SMC6: variants seen among roughly 807,000 people sequenced by gnomAD.
The protein encoded by SMC6 is structural maintenance of chromosomes 6.
In SMC6, 79 loss-of-function variants were observed where a neutral mutation model predicts 142.2. The ratio of observed to expected loss-of-function variants is 0.56; its 90% CI spans 0.46 to 0.67. SMC6 has a LOEUF of 0.67. Among genes scored for constraint, SMC6 ranks in the 30% least tolerant of loss-of-function variants. The pLI is 0.00. For synonymous variants in SMC6, 411 were observed against 412.4 expected, an observed-to-expected ratio of 1.00 and a Z score of 0.04; for missense variants, 1,072 against 1,284.0, an observed-to-expected ratio of 0.83 and a Z score of 2.52.
intron 23 of SMC6, among the ~76,000 whole-genome samples, chr2:17,689,623 TG>T (rs1667611500): frequency 1.3e-5 from 2 of 152,236 alleles, no homozygotes. Flanking sequence ...TTATGATTTT[TG>T]ATAGAGCTGT....
In SMC6 at chr2:17,664,538, A is replaced by G. The variant is rs1394707943; in HGVS notation, c.*961T>C. The G allele has an allele frequency of 6.6e-6, 1 of 152,242 alleles. No homozygotes were observed. Among genetic ancestry groups the G allele is most frequent in the Non-Finnish European group, 1.5e-5 (1 of 68,048 alleles). 9.4% of individuals were successfully genotyped at this position (152,242 alleles called of 1,614,324 possible). ...TAGCATGAATCCTAGTATCAAACAAATAATACAGGGAGCAATAAAATTCAT... is the reference window on the plus strand; with the variant it reads ...TAGCATGAATCCTAGTATCAAACAAGTAATACAGGGAGCAATAAAATTCAT... On this transcript the variant is annotated 3_prime_UTR_variant, in exon 28 of 28. Transcript: ENST00000448223.
chr2:17,682,591 C>A (rs2124847243), intron 24 of SMC6, among the ~76,000 whole-genome samples: 1 of 152,202 alleles, frequency 6.6e-6, no homozygotes, highest in South Asian at 2.1e-4. Flanking sequence ...AGAAGTAATT[C>A]CGACAGCTCA....
Position 17,716,221 on chromosome 2 carries a change from T to C in SMC6, c.1390A>G (p.Arg464Gly), listed in dbSNP as rs35195207. ...DVKHALSYNQ[R>G]QLKELKDSKT... ...CTATCTTTCAATTCTTTCAGTTGCC[T>C]CTGATTGTAGCTCAGTGCATGCTTC... The change falls in exon 15 of 28, where the codon AGG becomes GGG. Residue 464 changes from arginine (R) to glycine (G), a missense_variant. Around this residue, in one of 3 missense-constraint regions of SMC6, gnomAD observed 994 missense variants for 1,153.2 expected, o/e 0.86. Transcript: ENST00000448223. 371,441 of 1,610,850 alleles carry C rather than the reference T, an allele frequency of 0.23. 46,851 individuals carry two copies. The highest frequency in any genetic ancestry group is 0.27 in the Middle Eastern group (1,617 of 6,050).
chr2:17,716,795 A>T lies in SMC6; in HGVS notation c.1292T>A (p.Ile431Asn). 1 of 1,613,512 alleles carries T rather than the reference A, an allele frequency of 6.2e-7. No homozygotes were observed. Among genetic ancestry groups the T allele is most frequent in the Non-Finnish European group, 8.5e-7 (1 of 1,179,768 alleles). Residue 431 changes from isoleucine (I) to asparagine (N), a missense_variant, in exon 14 of 28, where the codon ATC becomes AAC. Physicochemically the swap from Ile to Asn is moderately radical, Grantham distance 149. Transcript: ENST00000448223. ...TTCTATGGCTTGCTGAAACTGTTCG[A>T]TCTCTTGATTGACTGAATTTTCTTG... is the stretch of plus-strand genomic sequence containing the variant. ...QNQENSVNQE[I>N]EQFQQAIEKD... is the part of the protein sequence containing the mutation.
At chr2:17,671,815 G>C (rs929033344) in intron 25 of SMC6, among the ~76,000 whole-genome samples, 1 of 151,712 alleles carries the variant, frequency 6.6e-6, no homozygotes, top group African/African-American at 2.4e-5. Flanking sequence ...AATTTCCTGA[G>C]AATATACAAT....
chr2:17,675,642 A>T (rs1174027085), intron 25 of SMC6, among the ~76,000 whole-genome samples: 1 of 152,114 alleles, frequency 6.6e-6, no homozygotes, highest in African/African-American at 2.4e-5. Context: ...ATCAGTTTTT[A>T]AAACCAATTC....
intron 3 of SMC6, among the ~76,000 whole-genome samples, chr2:17,742,202 T>G (rs1670505946): frequency 6.6e-6 from 1 of 152,188 alleles, no homozygotes; most frequent in African/African-American, 2.4e-5. Context: ...ATAGTAAAAC[T>G]TCCTATATAC....
chr2:17,702,354 AT>A (rs942097156), intron 19 of SMC6, among the ~76,000 whole-genome samples: 2 of 152,100 alleles, frequency 1.3e-5, no homozygotes, highest in Non-Finnish European at 2.9e-5. Flanking sequence ...TTTTATTAGC[AT>A]TTTCTCATGA....
At chr2:17,718,767 A>G (rs1382202222) in intron 11 of SMC6, among the ~76,000 whole-genome samples, 1 of 152,190 alleles carries the variant, frequency 6.6e-6, no homozygotes, top group Non-Finnish European at 1.5e-5. Flanking sequence ...CTAGAGCTTA[A>G]ATTGAAAGGA....
chr2:17,694,734 A>AGTTTT (rs374601592), intron 23 of SMC6, among the ~76,000 whole-genome samples: 21,085 of 152,228 alleles, frequency 0.14, 1,734 homozygotes, highest in African/African-American at 0.24. Context: ...TCTAATTATC[A>AGTTTT]AGAGCATCTG....
intron 26 of SMC6, among the ~76,000 whole-genome samples, chr2:17,669,729 G>A (rs1170742086): frequency 6.6e-6 from 1 of 152,174 alleles, no homozygotes; most frequent in Non-Finnish European, 1.5e-5. Flanking sequence ...CCAGATTACA[G>A]TAGATTGAGC....
At chr2:17,744,962 T>A (rs1670664939) in intron 3 of SMC6, among the ~76,000 whole-genome samples, 1 of 152,226 alleles carries the variant, frequency 6.6e-6, no homozygotes, top group Non-Finnish European at 1.5e-5. Context: ...TTACATATAG[T>A]TGGCTTTTCC....
intron 23 of SMC6, among the ~76,000 whole-genome samples, chr2:17,690,621 C>CA (rs200976718): frequency 3.3e-4 from 49 of 148,596 alleles, no homozygotes; most frequent in South Asian, 8.5e-4. Flanking sequence ...ACCAAAAAAA[C>CA]AAAAAAAAAC....
intron 11 of SMC6, among the ~76,000 whole-genome samples, chr2:17,719,384 T>C (rs1669259030): frequency 6.6e-6 from 1 of 152,040 alleles, no homozygotes; most frequent in Non-Finnish European, 1.5e-5. Context: ...GTGAAAGGCT[T>C]TATGTAAGAC....
At position 17,665,444 on chromosome 2, in the gene SMC6, T is replaced by A; in HGVS notation, c.*55A>T. On this transcript the variant is annotated 3_prime_UTR_variant, in exon 28 of 28. Coordinates refer to ENST00000448223, the MANE Select transcript of SMC6 (RefSeq NM_001142286.2). ...TTTATTATATCAAAGAGTCCAGAAT[T>A]TTTTTTCCCTTCACAAATCCTTCAA... 3 of 1,243,782 alleles carry A rather than the reference T, an allele frequency of 2.4e-6. No individual in the cohort carries two copies. Among genetic ancestry groups the A allele is most frequent in the Non-Finnish European group, 3.4e-6 (3 of 887,444 alleles). The allele number at this position is 1,243,782 out of a possible 1,614,324, so 77.0% of individuals were successfully genotyped here.
chr2:17,692,454 C>G (rs957965091), intron 23 of SMC6, among the ~76,000 whole-genome samples: 4 of 152,038 alleles, frequency 2.6e-5, no homozygotes, highest in Non-Finnish European at 4.4e-5. Context: ...AAGAAATGGG[C>G]GAAGGATTCC....
intron 27 of SMC6, among the ~76,000 whole-genome samples, chr2:17,666,019 A>G (rs1666480350): frequency 6.6e-6 from 1 of 152,240 alleles, no homozygotes; most frequent in Non-Finnish European, 1.5e-5. Context: ...TAGGCACCCA[A>G]TAAATACTGA....
rs77947545 is a variant in SMC6 at position 17,684,061 on chromosome 2, A to G, written c.2679-298T>C. On this transcript the variant is annotated intron_variant, in intron 23 of 27. Transcript: ENST00000448223. ...CTAGAGGTGGCAGATCTTAGAGAAT[A>G]CTAGCAAATACACACCTTCAAAAAG... 4.8e-3 allele frequency among the ~76,000 whole-genome samples: 737 copies of G among 152,292 alleles called. 4 individuals carry two copies. Among genetic ancestry groups the G allele is most frequent in the African/African-American group, 0.016 (684 of 41,560 alleles).
At chr2:17,746,120 T>C (rs1050769649) in intron 2 of SMC6, 169 bp from the exon 3 acceptor site, 3 of 624,270 alleles carry the variant, frequency 4.8e-6, no homozygotes, top group South Asian at 4.0e-5. Context: ...AAGAGGGACA[T>C]GAGTCAAAAA....
Sources: allele counts gnomAD v4.1 joint callset (sites outside exome capture counted in the v4.1 genomes callset), GRCh38; gene constraint gnomAD v4.1.1; regional missense constraint gnomAD v4.1.1; transcripts MANE v1.5; gene names NCBI Gene and HGNC (gene_info 2026-07-23, HGNC 2026-07-21).